PLEKHG1: variants seen among roughly 807,000 people sequenced by gnomAD.
The protein encoded by PLEKHG1 is pleckstrin homology and RhoGEF domain containing G1, also known as pleckstrin homology domain-containing family G member 1.
Under a neutral mutation model 100.8 loss-of-function variants are expected in PLEKHG1, and 44 were observed. The observed-to-expected ratio is 0.44, with a 90% CI of 0.34 to 0.56. PLEKHG1 has a LOEUF of 0.56. Among genes scored for constraint, PLEKHG1 ranks in the 20% least tolerant of loss-of-function variants. The pLI is 0.01. For synonymous variants in PLEKHG1, 640 were observed against 662.5 expected (o/e 0.97, Z 0.52); for missense variants, 1,545 against 1,720.9 (o/e 0.90, Z 1.81).
intron 1 of PLEKHG1, among the ~76,000 whole-genome samples, chr6:150,626,467 G>A (rs562657847): frequency 1.5e-4 from 23 of 152,160 alleles, no homozygotes; most frequent in Admixed American, 5.2e-4. Flanking sequence ...GCGAAGGGGC[G>A]TTGGGGACAC....
chr6:150,671,169 C>T (rs548718720), intron 3 of PLEKHG1, among the ~76,000 whole-genome samples: 91 of 151,836 alleles, frequency 6.0e-4, no homozygotes, highest in African/African-American at 1.8e-3. Flanking sequence ...GGGTTGGTTC[C>T]GCAGTTGTGA....
chr6:150,842,643 A>G (rs540744984), exon 16 of PLEKHG1: 2 of 152,306 alleles, frequency 1.3e-5, no homozygotes, highest in South Asian at 4.1e-4. Context: ...TTATTTGAAC[A>G]TGATATGAGT....
At chr6:150,736,459 GAA>G (rs1157807139) in intron 2 of PLEKHG1, among the ~76,000 whole-genome samples, 5 of 152,318 alleles carry the variant, frequency 3.3e-5, no homozygotes, top group South Asian at 2.1e-4. Flanking sequence ...TGTTTTACCT[GAA>G]GTCTTTCACA....
intron 1 of PLEKHG1, among the ~76,000 whole-genome samples, chr6:150,618,145 T>C (rs1026816752): frequency 2.0e-5 from 3 of 152,362 alleles, no homozygotes; most frequent in Admixed American, 2.0e-4. Context: ...TGTTAGTAAC[T>C]GACCTATTAA....
rs1562554250 is a variant in PLEKHG1, at chr6:150,823,640, C to A, written c.1448-14C>A. ...TTTCATTCTCAAACTTGAAAAAAAA[C>A]TTTTATTTTTCAGAAACAGCACAAG... On this transcript the variant is annotated splice_polypyrimidine_tract_variant and intron_variant, in intron 13 of 15. Coordinates refer to ENST00000358517, the Ensembl canonical transcript of PLEKHG1. The A allele has an allele frequency of 7.5e-6, 12 of 1,589,708 alleles. No homozygotes were observed. Among genetic ancestry groups the A allele is most frequent in the Non-Finnish European group, 1.0e-5 (12 of 1,158,940 alleles).
chr6:150,625,757 G>C (rs1777482596), intron 1 of PLEKHG1: 1 of 152,200 alleles, frequency 6.6e-6, no homozygotes, highest in Non-Finnish European at 1.5e-5. Context: ...GCCCTGCAAA[G>C]TGCTGGGATT....
Position 150,819,880 on chromosome 6 carries a change from T to G in PLEKHG1, c.1408+106T>G, listed in dbSNP as rs1776199887. On this transcript the variant is annotated intron_variant, in intron 12 of 15. Coordinates refer to ENST00000358517, the Ensembl canonical transcript of PLEKHG1. ...TGTTCTGTCTGGTTTCTCAGCTCAC[T>G]GCCGGTCTGAATACATTTGCGGCTG... 4.0e-6 allele frequency: 3 copies of G among 745,576 alleles called. No individual in the cohort carries two copies. The African/African-American group carries it at 5.2e-5, about 13-fold the overall frequency. The allele number at this position is 745,576 out of a possible 1,614,324, so 46.2% of individuals were successfully genotyped here.
chr6:150,703,306 G>A (rs6941034), intron 3 of PLEKHG1, among the ~76,000 whole-genome samples: 6,525 of 152,112 alleles, frequency 0.043, 445 homozygotes, highest in African/African-American at 0.15. Context: ...TATTCAGTCC[G>A]TTAGAAAAGC....
At chr6:150,681,688 T>C (rs1283102526) in intron 3 of PLEKHG1, among the ~76,000 whole-genome samples, 1 of 152,098 alleles carries the variant, frequency 6.6e-6, no homozygotes, top group Non-Finnish European at 1.5e-5. Context: ...TTTGCACAGC[T>C]ATCCTTCCCT....
chr6:150,824,213 G>A (rs1180901444), intron 14 of PLEKHG1, among the ~76,000 whole-genome samples: 4 of 152,230 alleles, frequency 2.6e-5, no homozygotes, highest in East Asian at 1.9e-4. Context: ...TTAGGAGAGG[G>A]AGAATAAGAA....
chr6:150,758,871 T>C (rs990636638), intron 2 of PLEKHG1, among the ~76,000 whole-genome samples: 10 of 152,214 alleles, frequency 6.6e-5, no homozygotes, highest in African/African-American at 2.4e-4. Context: ...TCATTTCTGA[T>C]TTGTCTTCAT....
In PLEKHG1 at chr6:150,807,864, G is replaced by C. The variant is rs1020420990; in HGVS notation, c.913-1241G>C. On this transcript the variant is annotated intron_variant, in intron 7 of 15. Transcript: ENST00000358517. ...GGTGCCTATAATCCCAGCTACTTGA[G>C]AGGCTGAGGCAGGAGAATCGCTTGA... 3.3e-5 allele frequency among the ~76,000 whole-genome samples: 5 copies of C among 152,156 alleles called. No homozygotes were observed. The East Asian group carries it at 9.6e-4, about 29-fold the overall frequency.
intron 1 of PLEKHG1, among the ~76,000 whole-genome samples, chr6:150,617,759 G>T (rs903139351): frequency 2.0e-5 from 3 of 152,196 alleles, no homozygotes; most frequent in African/African-American, 7.2e-5. Context: ...AAAATGCAGA[G>T]GATTTCCTTC....
intron 2 of PLEKHG1, among the ~76,000 whole-genome samples, chr6:150,734,523 C>T (rs1220523736): frequency 6.6e-6 from 1 of 152,156 alleles, no homozygotes; most frequent in African/African-American, 2.4e-5. Context: ...ACTACTGAGA[C>T]GTGAATCTCA....
In PLEKHG1 at chr6:150,737,588, G is replaced by A. The variant is rs933870953; in HGVS notation, c.411+3496G>A. On this transcript the variant is annotated intron_variant, in intron 2 of 15. Transcript: ENST00000358517. Reference sequence around the variant, plus strand: ...ATTACAGGCGTGAGCCACCGCGCCCGGCCTGGGTATTCTTTTAAAACATAG... The same window carrying A: ...ATTACAGGCGTGAGCCACCGCGCCCAGCCTGGGTATTCTTTTAAAACATAG... Among the ~76,000 whole-genome samples the A allele has an allele frequency of 2.6e-5, 4 of 152,072 alleles. 1 individual carries two copies. Among genetic ancestry groups the A allele is most frequent in the Admixed American group, 2.0e-4 (3 of 15,272 alleles).
chr6:150,768,777 A>G, intron 3 of PLEKHG1, 39 bp downstream of exon 4: 1 of 1,171,114 alleles, frequency 8.5e-7, no homozygotes, highest in Non-Finnish European at 1.3e-6. Context: ...ACATACGAGC[A>G]TTATGAAAAT....
At chr6:150,760,719 T>C (rs1266392807) in intron 2 of PLEKHG1, among the ~76,000 whole-genome samples, 1 of 150,370 alleles carries the variant, frequency 6.7e-6, no homozygotes, top group African/African-American at 2.5e-5. Flanking sequence ...TGCAAATAGG[T>C]CTGGAAAGAT....
chr6:150,796,600 A>C (rs1312360503), intron 5 of PLEKHG1, among the ~76,000 whole-genome samples: 1 of 152,192 alleles, frequency 6.6e-6, no homozygotes, highest in South Asian at 2.1e-4. Flanking sequence ...CCCTGTGCTA[A>C]ATGCTGTAAA....
At chr6:150,681,417 CAG>C (rs1384883441) in intron 3 of PLEKHG1, among the ~76,000 whole-genome samples, 2 of 151,056 alleles carry the variant, frequency 1.3e-5, no homozygotes, top group Non-Finnish European at 2.9e-5. Context: ...GAGGCTGAGA[CAG>C]AGGAATCACT....
Sources: gnomAD v4.1 joint callset for allele counts (sites outside exome capture counted in the v4.1 genomes callset) on GRCh38, gnomAD v4.1.1 for gene constraint, MANE v1.5 for transcripts, NCBI Gene and HGNC (gene_info 2026-07-23, HGNC 2026-07-21) for gene names.